Variants in MMD2 observed in about 807,000 individuals in gnomAD.
MMD2 encodes monocyte to macrophage differentiation associated 2.
In MMD2, 30 loss-of-function variants were observed where a neutral mutation model predicts 33.5. The ratio of observed to expected loss-of-function variants is 0.90; its 90% CI spans 0.67 to 1.22. MMD2 has a LOEUF of 1.22. MMD2 is among the 50% of genes most tolerant of loss of function. MMD2 has a pLI of 0.00. For synonymous variants in MMD2, 129 were observed against 123.0 expected (o/e 1.05, Z -0.32); for missense variants, 364 against 325.4 (o/e 1.12, Z -0.91).
chr7:4,957,191 T>A (rs199660311), intron 1 of MMD2, among the ~76,000 whole-genome samples: 3 of 143,814 alleles, frequency 2.1e-5, no homozygotes, highest in Non-Finnish European at 4.6e-5. Flanking sequence ...TATATATATA[T>A]AAATTATCTG....
At chr7:4,909,996 C>A (rs747236601) in intron 5 of MMD2, 46 bp from the exon 6 acceptor site, 2 of 1,613,958 alleles carry the variant, frequency 1.2e-6, no homozygotes, top group South Asian at 1.1e-5. Context: ...TGCCTCCCCA[C>A]GAAGAAACTG....
intron 1 of MMD2, among the ~76,000 whole-genome samples, chr7:4,943,610 G>C (rs1380199045): frequency 6.6e-6 from 1 of 152,084 alleles, no homozygotes; most frequent in Non-Finnish European, 1.5e-5. Context: ...AAAACCTCTA[G>C]ATATGGAGAC....
At chr7:4,925,649 T>C (rs1445593169) in intron 1 of MMD2, 117 bp from the exon 2 acceptor site, 2 of 607,702 alleles carry the variant, frequency 3.3e-6, no homozygotes, top group Non-Finnish European at 5.6e-6. Context: ...ACTCCCCTTC[T>C]CCCTTTTTCA....
chr7:4,920,369 T>G, intron 2 of MMD2, 38 bp from the exon 3 acceptor site: 1 of 1,586,896 alleles, frequency 6.3e-7, no homozygotes, highest in African/African-American at 1.3e-5. Flanking sequence ...GTGCAGCAGC[T>G]GGGTGGCTCA....
intron 6 of MMD2, among the ~76,000 whole-genome samples, chr7:4,909,377 C>T (rs1290831840): frequency 3.3e-5 from 5 of 151,256 alleles, no homozygotes; most frequent in Admixed American, 6.6e-5. Context: ...GCCAAGCCCT[C>T]GCCAGACCAG....
intron 1 of MMD2, among the ~76,000 whole-genome samples, chr7:4,935,084 G>A (rs1785700695): frequency 6.6e-6 from 1 of 152,070 alleles, no homozygotes; most frequent in African/African-American, 2.4e-5. Flanking sequence ...TCCTCAGGAG[G>A]CTGAGGCAGG....
rs1467314249 is a variant in MMD2 at position 4,925,393 on chromosome 7, C to T, written c.129+58G>A. The T allele has an allele frequency of 1.3e-5, 18 of 1,345,122 alleles. No individual in the cohort carries two copies. The East Asian group carries it at 4.1e-4, about 31-fold the overall frequency. The allele number at this position is 1,345,122 out of a possible 1,614,324, so 83.3% of individuals were successfully genotyped here. On this transcript the variant is annotated intron_variant, in intron 2 of 6. Coordinates refer to ENST00000401401, the MANE Select transcript of MMD2 (RefSeq NM_198403.4). ...TACGTGAAGGAGGTGACTTCCCCCA[C>T]CCCCCTTCCCCGGAAGTGTCCCCAT...
chr7:4,938,509 C>A (rs7787234), intron 1 of MMD2, among the ~76,000 whole-genome samples: 43,150 of 151,898 alleles, frequency 0.28, 6,309 homozygotes, highest in Admixed American at 0.36. Context: ...CTCAAGACCG[C>A]AGCTAATCCT....
chr7:4,943,009 T>TC (rs1193605997), intron 1 of MMD2, among the ~76,000 whole-genome samples: 17 of 138,200 alleles, frequency 1.2e-4, no homozygotes, highest in African/African-American at 4.6e-4. Flanking sequence ...CTTTTCTTTT[T>TC]TTTTTTTTTT....
chr7:4,898,276 C>G, the MMD2 span, among the ~76,000 whole-genome samples: 1 of 152,176 alleles, frequency 6.6e-6, no homozygotes, highest in Non-Finnish European at 1.5e-5. Flanking sequence ...CCCACATGGC[C>G]TGGGGGCACT....
chr7:4,913,146 A>G (rs1376623203), intron 4 of MMD2, among the ~76,000 whole-genome samples: 1 of 152,206 alleles, frequency 6.6e-6, no homozygotes, highest in Admixed American at 6.6e-5. Context: ...ATTACCCAAA[A>G]TAACCATCAG....
At chr7:4,920,384 A>G in intron 2 of MMD2, 53 bp from the exon 3 acceptor site, 1 of 1,562,476 alleles carries the variant, frequency 6.4e-7, no homozygotes, top group Non-Finnish European at 8.7e-7. Flanking sequence ...GGCTCAGAGC[A>G]CACCTCCTGC....
intron 1 of MMD2, among the ~76,000 whole-genome samples, chr7:4,953,844 T>C (rs930218241): frequency 6.6e-6 from 1 of 152,154 alleles, no homozygotes; most frequent in Non-Finnish European, 1.5e-5. Context: ...GTTGTTCATC[T>C]GAAATTTACA....
At chr7:4,948,453 G>A (rs1479478275) in intron 1 of MMD2, among the ~76,000 whole-genome samples, 1 of 152,068 alleles carries the variant, frequency 6.6e-6, no homozygotes, top group Non-Finnish European at 1.5e-5. Context: ...AACCTGGGAG[G>A]CAGAGGTTGC....
At position 4,959,067 on chromosome 7, in the gene MMD2, G is replaced by A; in HGVS notation, c.-50C>T. The A allele has an allele frequency of 4.0e-6, 5 of 1,242,030 alleles. No homozygotes were observed. Among genetic ancestry groups the A allele is most frequent in the Non-Finnish European group, 5.1e-6 (5 of 983,384 alleles). 76.9% of individuals were successfully genotyped at this position (1,242,030 alleles called of 1,614,324 possible). A position where few individuals can be genotyped will look rare whatever the true frequency, so the allele number is the denominator to read the frequency against. On this transcript the variant is annotated 5_prime_UTR_variant, in exon 1 of 7. Coordinates refer to ENST00000401401, the MANE Select transcript of MMD2 (RefSeq NM_198403.4). ...CCCCGGGCTCAGAGCGCGGGTAGCT[G>A]GCAGAGCCTGGGGGGCGCGGCGGCG...
At chr7:4,936,731 G>T (rs1785750529) in intron 1 of MMD2, among the ~76,000 whole-genome samples, 1 of 151,722 alleles carries the variant, frequency 6.6e-6, no homozygotes, top group Admixed American at 6.6e-5. Flanking sequence ...GTTTGCCACA[G>T]AATATTTTAT....
At chr7:4,956,113 T>C (rs1454499216) in intron 1 of MMD2, among the ~76,000 whole-genome samples, 1 of 152,070 alleles carries the variant, frequency 6.6e-6, no homozygotes, top group Non-Finnish European at 1.5e-5. Context: ...TGGACAGCCC[T>C]GGATTATACC....
Position 4,943,172 on chromosome 7 carries a change from G to A in MMD2, c.47+15799C>T, listed in dbSNP as rs561612515. On this transcript the variant is annotated intron_variant, in intron 1 of 6. Coordinates refer to ENST00000401401, the MANE Select transcript of MMD2 (RefSeq NM_198403.4). ...TTACAGGCGCCTGCCACCACGCCCC[G>A]CTAATTTTTTGTATTTTTAGTAGAG... Among the ~76,000 whole-genome samples, 8 of 151,604 alleles carry A rather than the reference G, an allele frequency of 5.3e-5. No homozygotes were observed. In the South Asian group the frequency reaches 8.4e-4, roughly 16 times the overall value.
intron 1 of MMD2, among the ~76,000 whole-genome samples, chr7:4,944,397 G>A (rs1785993544): frequency 6.6e-6 from 1 of 152,142 alleles, no homozygotes; most frequent in South Asian, 2.1e-4. Flanking sequence ...GATGAGGGGA[G>A]CCAGGGGTGA....
Sources: allele counts gnomAD v4.1 joint callset (sites outside exome capture counted in the v4.1 genomes callset), GRCh38; gene constraint gnomAD v4.1.1; transcripts MANE v1.5; gene names NCBI Gene and HGNC (gene_info 2026-07-23, HGNC 2026-07-21).